Variants in TBC1D13 observed in about 807,000 individuals in gnomAD.
The protein encoded by TBC1D13 is TBC1 domain family member 13, also known as epididymis secretory sperm binding protein.
A neutral mutation model predicts 53.6 loss-of-function variants in TBC1D13; 40 were observed. The observed-to-expected ratio is 0.75, with a 90% confidence interval of 0.58 to 0.97. The LOEUF (loss-of-function observed/expected upper bound fraction) is 0.97. TBC1D13 is among the 50% of genes least tolerant of loss of function. TBC1D13 has a pLI of 0.00. For synonymous variants in TBC1D13, 182 were observed against 197.7 expected (o/e 0.92, Z 0.67); for missense variants, 377 against 499.4 (o/e 0.75, Z 2.34).
intron 3 of TBC1D13, among the ~76,000 whole-genome samples, 157 bp downstream of exon 3, chr9:128,790,932 G>A (rs1829521904): frequency 6.6e-6 from 1 of 152,204 alleles, no homozygotes; most frequent in Non-Finnish European, 1.5e-5. Flanking sequence ...TGTTCCTCTT[G>A]GTGTCTTCTC....
intron 7 of TBC1D13, among the ~76,000 whole-genome samples, chr9:128,800,443 G>A (rs559323828): frequency 1.4e-5 from 2 of 144,230 alleles, no homozygotes; most frequent in South Asian, 4.4e-4. Context: ...CAATCTTGGC[G>A]CTCTGCAACC....
In TBC1D13 at chr9:128,791,686, A is replaced by G. The variant is rs1454326842; in HGVS notation, c.293A>G (p.Glu98Gly). 1 of 1,614,082 alleles carries G rather than the reference A, an allele frequency of 6.2e-7. No homozygotes were observed. Among genetic ancestry groups the G allele is most frequent in the Non-Finnish European group, 8.5e-7 (1 of 1,179,946 alleles). ...MGVSREDVTF[E>G]DHPLNPNPDS... ...GTGTCCAGGGAGGATGTGACTTTTG[A>G]GGACCATGTGAGTAGAGGTTGACAG... Residue 98 changes from glutamate (E) to glycine (G), a missense_variant, in exon 5 of 12, where the codon GAG becomes GGG. Glu to Gly is a moderately conservative substitution (Grantham distance 98, BLOSUM62 -2). Coordinates refer to ENST00000372648, the MANE Select transcript of TBC1D13 (RefSeq NM_018201.5).
At chr9:128,796,540 C>T (rs546232636) in intron 6 of TBC1D13, among the ~76,000 whole-genome samples, 3 of 152,186 alleles carry the variant, frequency 2.0e-5, no homozygotes, top group East Asian at 1.9e-4. Context: ...CGTGAGCCAC[C>T]GTGCCCAGCC....
chr9:128,808,457 T>TGTGTGTGTGTGTGTGTGTGTGTGTGTG lies in TBC1D13; in HGVS notation c.*578_*579insGTGTGTGTGTGTGTGTGTGTGTGTGTG, dbSNP rs1554796455. 4 of 51,162 alleles carry TGTGTGTGTGTGTGTGTGTGTGTGTGTG rather than the reference T, an allele frequency of 7.8e-5. No individual in the cohort carries two copies. Among genetic ancestry groups the TGTGTGTGTGTGTGTGTGTGTGTGTGTG allele is most frequent in the Admixed American group, 2.1e-4 (1 of 4,682 alleles). The allele number at this position is 51,162 out of a possible 1,614,324, so 3.2% of individuals were successfully genotyped here. A position where few individuals can be genotyped will look rare whatever the true frequency, so the allele number is the denominator to read the frequency against. ...TGTGTGTGTGTGTGTGTGTGTGTGT[T>TGTGTGTGTGTGTGTGTGTGTGTGTGTG]AGGGAGTGAGGGTCTCTCAGGCCTC... is the stretch of plus-strand genomic sequence containing the variant. On this transcript the variant is annotated 3_prime_UTR_variant, in exon 12 of 12. Coordinates refer to ENST00000372648, the MANE Select transcript of TBC1D13 (RefSeq NM_018201.5).
chr9:128,804,926 G>A (rs942185257), intron 9 of TBC1D13, among the ~76,000 whole-genome samples: 6 of 150,328 alleles, frequency 4.0e-5, no homozygotes, highest in African/African-American at 1.2e-4. Context: ...ATGGGATTTC[G>A]CTGTGTTGGC....
chr9:128,803,205 C>T, intron 7 of TBC1D13, 45 bp from the exon 8 acceptor site: 6 of 1,566,958 alleles, frequency 3.8e-6, no homozygotes, highest in Non-Finnish European at 5.3e-6. Flanking sequence ...GAGCCACTGA[C>T]CCCAGCATTG....
chr9:128,805,710 C>A, intron 9 of TBC1D13, 149 bp from the exon 10 acceptor site: 1 of 827,232 alleles, frequency 1.2e-6, no homozygotes, highest in Non-Finnish European at 1.8e-6. Flanking sequence ...CCAGGCAAGG[C>A]TGTCCGGCAG....
At position 128,790,721 on chromosome 9, in the gene TBC1D13, T is replaced by G; in HGVS notation, c.98-14T>G. The G allele has an allele frequency of 7.1e-6, 11 of 1,543,948 alleles. No individual in the cohort carries two copies. The highest frequency in any genetic ancestry group is 9.5e-6 in the Non-Finnish European group (11 of 1,152,872). ...TCTGGCCTGGGGCATGACCTTTGCC[T>G]GCTGTGTCCACAGGCATCCCCTGTG... On this transcript the variant is annotated splice_polypyrimidine_tract_variant and intron_variant, in intron 2 of 11. Transcript: ENST00000372648.
chr9:128,806,410 C>T (rs377342368), intron 11 of TBC1D13, 99 bp downstream of exon 11: 27 of 1,406,184 alleles, frequency 1.9e-5, no homozygotes, highest in African/African-American at 1.7e-4. Flanking sequence ...GCAGGGGCAG[C>T]GGAGTGTAGT....
chr9:128,801,426 T>A (rs1160985788), intron 7 of TBC1D13, among the ~76,000 whole-genome samples: 2 of 152,098 alleles, frequency 1.3e-5, no homozygotes, highest in Non-Finnish European at 2.9e-5. Context: ...ATGCCTGTAA[T>A]CCCAGCACTT....
At chr9:128,792,646 A>G (rs926377668) in intron 6 of TBC1D13, 72 bp downstream of exon 6, 7 of 1,422,888 alleles carry the variant, frequency 4.9e-6, no homozygotes, top group Non-Finnish European at 6.8e-6. Context: ...TGTCTTTTCC[A>G]TTTGCAGGCC....
In TBC1D13 at chr9:128,787,339, C is replaced by T; in HGVS notation, c.-15C>T. The T allele has an allele frequency of 7.9e-7, 1 of 1,259,338 alleles. No individual in the cohort carries two copies. Among genetic ancestry groups the T allele is most frequent in the Non-Finnish European group, 1.0e-6 (1 of 996,040 alleles). 78.0% of individuals were successfully genotyped at this position (1,259,338 alleles called of 1,614,324 possible). A position where few individuals can be genotyped will look rare whatever the true frequency, so the allele number is the denominator to read the frequency against. On this transcript the variant is annotated 5_prime_UTR_variant, in exon 1 of 12. Transcript: ENST00000372648. Reference sequence around the variant, plus strand: ...CAGGCGGCGGAGGCGGCTGGGGGGTCCGGAAGTCAACACCATGTCAAGTCT... The same window carrying T: ...CAGGCGGCGGAGGCGGCTGGGGGGTTCGGAAGTCAACACCATGTCAAGTCT...
intron 7 of TBC1D13, among the ~76,000 whole-genome samples, chr9:128,801,469 G>C (rs1230925610): frequency 6.6e-6 from 1 of 152,068 alleles, no homozygotes; most frequent in Non-Finnish European, 1.5e-5. Flanking sequence ...CACGAGGCCA[G>C]GAGTTCAAGA....
In TBC1D13 at chr9:128,807,963, AC is replaced by A; in HGVS notation, c.*87del. Reference sequence around the variant, plus strand: ...CCGGGACACATAGAAACCTGTAGGAACCCAGCCTGAGGGGAAGCCACAGGAT... The same window carrying A: ...CCGGGACACATAGAAACCTGTAGGAACCAGCCTGAGGGGAAGCCACAGGAT... On this transcript the variant is annotated 3_prime_UTR_variant, in exon 12 of 12. Coordinates refer to ENST00000372648, the MANE Select transcript of TBC1D13 (RefSeq NM_018201.5). 1 of 1,361,946 alleles carries A rather than the reference AC, an allele frequency of 7.3e-7. No homozygotes were observed. The allele number at this position is 1,361,946 out of a possible 1,614,324, so 84.4% of individuals were successfully genotyped here.
intron 6 of TBC1D13, among the ~76,000 whole-genome samples, chr9:128,793,049 G>A (rs1363099698): frequency 6.6e-6 from 1 of 152,244 alleles, no homozygotes; most frequent in East Asian, 1.9e-4. Context: ...AACCTCACCT[G>A]AGAAGCAGTG....
intron 6 of TBC1D13, among the ~76,000 whole-genome samples, 192 bp from the exon 7 acceptor site, chr9:128,796,863 G>A (rs1000321743): frequency 5.3e-5 from 8 of 152,110 alleles, no homozygotes; most frequent in African/African-American, 1.9e-4. Context: ...GTGAACCCGG[G>A]AGTTGGAGCT....
intron 7 of TBC1D13, among the ~76,000 whole-genome samples, chr9:128,800,905 T>G (rs563166084): frequency 6.6e-6 from 1 of 150,886 alleles, no homozygotes; most frequent in South Asian, 2.2e-4. Context: ...CTCACACCTG[T>G]AATCCCAACA....
chr9:128,791,677 T>A lies in TBC1D13; in HGVS notation c.284T>A (p.Val95Glu). ...KANMGVSRED[V>E]TFEDHPLNPN... Reference sequence around the variant, plus strand: ...AACATGGGTGTGTCCAGGGAGGATGTGACTTTTGAGGACCATGTGAGTAGA... The same window carrying A: ...AACATGGGTGTGTCCAGGGAGGATGAGACTTTTGAGGACCATGTGAGTAGA... The change falls in exon 5 of 12, where the codon GTG becomes GAG. Residue 95 changes from valine to glutamate, a missense_variant. Transcript: ENST00000372648. 6.2e-7 allele frequency: 1 copy of A among 1,614,162 alleles called. No homozygotes were observed.
chr9:128,804,427 G>A (rs936639085), intron 9 of TBC1D13, among the ~76,000 whole-genome samples: 28 of 147,016 alleles, frequency 1.9e-4, no homozygotes, highest in Admixed American at 2.7e-4. Context: ...TTTTTTTTGA[G>A]ATGGAGTCTC....
Sources: gnomAD v4.1 joint callset for allele counts (sites outside exome capture counted in the v4.1 genomes callset) on GRCh38, gnomAD v4.1.1 for gene constraint, MANE v1.5 for transcripts, NCBI Gene and HGNC (gene_info 2026-07-23, HGNC 2026-07-21) for gene names.